Variants in SNX18 observed in about 807,000 individuals in gnomAD.
SNX18 encodes the protein sorting nexin 18, also known as sorting nexin-18.
SNX18 carries 35 observed loss-of-function variants against 48.7 expected under a neutral mutation model. The observed-to-expected ratio is 0.72, with a 90% confidence interval of 0.55 to 0.95. The LOEUF (loss-of-function observed/expected upper bound fraction) is 0.95. Ranked by LOEUF, SNX18 falls within the 40% of genes least tolerant of loss-of-function variation. The pLI is 0.00. For synonymous variants in SNX18, 492 were observed against 384.7 expected, an observed-to-expected ratio of 1.28 and a Z score of -3.26; for missense variants, 824 against 871.0, an observed-to-expected ratio of 0.95 and a Z score of 0.68.
chr5:54,632,475 G>A, the SNX18 span, among the ~76,000 whole-genome samples: 1 of 152,234 alleles, frequency 6.6e-6, no homozygotes, highest in African/African-American at 2.4e-5. Context: ...CCTGGACACA[G>A]TCAAATCACA....
chr5:54,599,738 G>A, the SNX18 span, among the ~76,000 whole-genome samples: 35 of 152,104 alleles, frequency 2.3e-4, no homozygotes, highest in South Asian at 4.1e-4. Context: ...AATGGGGAAA[G>A]GACTTCCTAT....
chr5:54,598,511 G>A, the SNX18 span, among the ~76,000 whole-genome samples: 21 of 152,162 alleles, frequency 1.4e-4, no homozygotes, highest in African/African-American at 4.8e-4. Context: ...GAATCCAGCA[G>A]CACATCAAGG....
At chr5:54,534,237 C>CT (rs56135730) in intron 1 of SNX18, among the ~76,000 whole-genome samples, 72,419 of 143,510 alleles carry the variant, frequency 0.5, 18,084 homozygotes, top group Non-Finnish European at 0.56. Context: ...TTTCTTTTTT[C>CT]TTTTTTTTTT....
chr5:54,601,505 C>G, the SNX18 span, among the ~76,000 whole-genome samples: 1 of 152,090 alleles, frequency 6.6e-6, no homozygotes, highest in Non-Finnish European at 1.5e-5. Context: ...AATTTCTGTC[C>G]CATGATTAGA....
At chr5:54,548,692 A>G (rs917962746), downstream of SNX18, among the ~76,000 whole-genome samples, 6 of 152,220 alleles carry the variant, frequency 3.9e-5, no homozygotes, top group African/African-American at 7.2e-5. Flanking sequence ...GACATGGGAG[A>G]TGATAACAAT....
the SNX18 span, among the ~76,000 whole-genome samples, chr5:54,603,620 C>T: frequency 6.6e-6 from 1 of 151,968 alleles, no homozygotes; most frequent in East Asian, 1.9e-4. Flanking sequence ...ATGCTAGAGT[C>T]CAGAAGCCAA....
chr5:54,600,071 C>T, the SNX18 span, among the ~76,000 whole-genome samples: 1 of 152,180 alleles, frequency 6.6e-6, no homozygotes, highest in Non-Finnish European at 1.5e-5. Flanking sequence ...AAAATCTTCA[C>T]AGTCTATCCA....
intron 1 of SNX18, among the ~76,000 whole-genome samples, chr5:54,538,917 T>C (rs965174779): frequency 1.3e-5 from 2 of 152,268 alleles, no homozygotes; most frequent in African/African-American, 4.8e-5. Context: ...TCTACATTTG[T>C]GGGTACAATT....
chr5:54,597,211 C>G, the SNX18 span, among the ~76,000 whole-genome samples: 1 of 152,060 alleles, frequency 6.6e-6, no homozygotes, highest in East Asian at 1.9e-4. Context: ...TATATGCACC[C>G]AATACAGGAG....
chr5:54,639,201 C>CATT, the SNX18 span, among the ~76,000 whole-genome samples: 30,131 of 151,990 alleles, frequency 0.2, 3,364 homozygotes, highest in East Asian at 0.3. Flanking sequence ...GAATGCTCTC[C>CATT]CAATCAGAGA....
chr5:54,519,956 G>C (rs1318052493), intron 1 of SNX18: 21 of 837,376 alleles, frequency 2.5e-5, no homozygotes, highest in Non-Finnish European at 3.1e-5. Context: ...GTCACTTAGT[G>C]GTGAGTTTCA....
intron 1 of SNX18, among the ~76,000 whole-genome samples, chr5:54,523,215 T>C (rs1762065261): frequency 6.6e-6 from 1 of 152,164 alleles, no homozygotes; most frequent in African/African-American, 2.4e-5. Flanking sequence ...TTATCATGCC[T>C]GTCTGCAGTA....
chr5:54,602,200 T>G, the SNX18 span, among the ~76,000 whole-genome samples: 4 of 152,094 alleles, frequency 2.6e-5, no homozygotes, highest in Non-Finnish European at 5.9e-5. Context: ...GAGGGGTGAT[T>G]GAAGCTCTGT....
At chr5:54,595,832 TA>T in the SNX18 span, among the ~76,000 whole-genome samples, 2 of 152,224 alleles carry the variant, frequency 1.3e-5, no homozygotes, top group African/African-American at 4.8e-5. Context: ...TCAGAGGCTT[TA>T]GGAGAGATTC....
In SNX18 at chr5:54,517,851, C is replaced by T. The variant is rs1761893805; in HGVS notation, c.-102C>T. On this transcript the variant is annotated 5_prime_UTR_variant, in exon 1 of 2. Transcript: ENST00000381410. The stretch of plus-strand genomic sequence containing the variant: ...CAGCGTGGGTTTGCCGCCTTCGGGG[C>T]TCCAGTCCGCGCGCCAGGGCTCGAG... 7.9e-7 allele frequency: 1 copy of T among 1,262,584 alleles called. No individual in the cohort carries two copies. The highest frequency in any genetic ancestry group is 1.6e-5 in the African/African-American group (1 of 63,358). The allele number at this position is 1,262,584 out of a possible 1,614,324, so 78.2% of individuals were successfully genotyped here. A position where few individuals can be genotyped will look rare whatever the true frequency, so the allele number is the denominator to read the frequency against.
chr5:54,521,072 T>A (rs1383172849), intron 1 of SNX18: 1 of 154,304 alleles, frequency 6.5e-6, no homozygotes, highest in Non-Finnish European at 1.5e-5. Flanking sequence ...TTGGTGGAAC[T>A]GCCTTTGTGA....
intron 1 of SNX18, among the ~76,000 whole-genome samples, chr5:54,542,624 T>A (rs1267796697): frequency 6.6e-6 from 1 of 152,190 alleles, no homozygotes; most frequent in Admixed American, 6.5e-5. Flanking sequence ...CTGGCAACAT[T>A]GCCAAGCACC....
At chr5:54,607,668 C>T in the SNX18 span, among the ~76,000 whole-genome samples, 1 of 152,154 alleles carries the variant, frequency 6.6e-6, no homozygotes, top group African/African-American at 2.4e-5. Context: ...CACTGTGGCT[C>T]ATGCCTGTAG....
the SNX18 span, among the ~76,000 whole-genome samples, chr5:54,619,157 C>G: frequency 1.3e-5 from 2 of 151,922 alleles, no homozygotes; most frequent in East Asian, 3.9e-4. Flanking sequence ...GGCCCCCGCT[C>G]CAAAGAAAAT....
Sources: gnomAD v4.1 joint callset for allele counts (sites outside exome capture counted in the v4.1 genomes callset) on GRCh38, gnomAD v4.1.1 for gene constraint, MANE v1.5 for transcripts, NCBI Gene and HGNC (gene_info 2026-07-23, HGNC 2026-07-21) for gene names.